Variants in HTR4 observed in about 807,000 individuals in gnomAD.
HTR4 encodes the protein 5-hydroxytryptamine receptor 4, also known as 5-hydroxytryptamine (serotonin) receptor 4, G protein-coupled.
In HTR4, 16 loss-of-function variants were observed where a neutral mutation model predicts 36.8. The ratio of observed to expected loss-of-function variants is 0.43; its 90% CI spans 0.29 to 0.66. HTR4 has a LOEUF of 0.66. Ranked by LOEUF, HTR4 falls within the 30% of genes least tolerant of loss-of-function variation. The pLI, the probability that HTR4 is intolerant of heterozygous loss-of-function variation, is 0.13. For missense variants in HTR4, 438 were observed against 490.9 expected (o/e 0.89, Z 1.02); for synonymous variants, 189 against 185.1 (o/e 1.02, Z -0.17).
intron 2 of HTR4, among the ~76,000 whole-genome samples, chr5:148,555,063 T>C (rs1759878773): frequency 6.6e-6 from 1 of 151,652 alleles, no homozygotes; most frequent in Non-Finnish European, 1.5e-5. Context: ...TTATTATTTA[T>C]ATTTTAGCAT....
downstream of HTR4, among the ~76,000 whole-genome samples, chr5:148,479,790 T>C (rs948806586): frequency 1.3e-5 from 2 of 152,212 alleles, no homozygotes; most frequent in East Asian, 3.9e-4. Context: ...TTCTATGTGG[T>C]GGGCACACAT....
At chr5:148,507,765 A>G (rs1757296371) in intron 6 of HTR4, among the ~76,000 whole-genome samples, 2 of 152,172 alleles carry the variant, frequency 1.3e-5, no homozygotes, top group Non-Finnish European at 2.9e-5. Flanking sequence ...CTATGAAAAA[A>G]ACCATCAACT....
At chr5:148,534,716 G>A (rs1166402098) in intron 4 of HTR4, among the ~76,000 whole-genome samples, 1 of 152,004 alleles carries the variant, frequency 6.6e-6, no homozygotes, top group Non-Finnish European at 1.5e-5. Context: ...GCACCAGACA[G>A]GTAACCCCTA....
chr5:148,478,361 G>A (rs536357630), downstream of HTR4, among the ~76,000 whole-genome samples: 3 of 152,280 alleles, frequency 2.0e-5, no homozygotes, highest in East Asian at 3.9e-4. Flanking sequence ...GATTCTGCAG[G>A]AGGTTCTGGG....
intron 2 of HTR4, among the ~76,000 whole-genome samples, chr5:148,576,187 C>T (rs1331206047): frequency 1.3e-5 from 2 of 149,102 alleles, no homozygotes; most frequent in Non-Finnish European, 3.0e-5. Context: ...ACAGCCACGC[C>T]GAGAGCCAAA....
chr5:148,491,560 G>A (rs145744227), intron 6 of HTR4, among the ~76,000 whole-genome samples: 19 of 152,096 alleles, frequency 1.2e-4, no homozygotes, highest in African/African-American at 4.3e-4. Flanking sequence ...ATGCATTGTC[G>A]GATGATTAGC....
intron 5 of HTR4, among the ~76,000 whole-genome samples, chr5:148,458,192 A>G (rs1363780740): frequency 2.0e-5 from 3 of 148,102 alleles, no homozygotes; most frequent in Non-Finnish European, 4.5e-5. Context: ...TATTTAATAT[A>G]TCATTAAAAT....
At chr5:148,591,068 C>T (rs1048914252) in intron 2 of HTR4, among the ~76,000 whole-genome samples, 2 of 152,128 alleles carry the variant, frequency 1.3e-5, no homozygotes, top group Non-Finnish European at 1.5e-5. Flanking sequence ...TATTCCAGCA[C>T]CATTTGTTGA....
intron 2 of HTR4, chr5:148,630,438 T>C (rs936621495): frequency 6.6e-6 from 1 of 152,136 alleles, no homozygotes; most frequent in African/African-American, 2.4e-5. Flanking sequence ...TGGTGCTAAA[T>C]AGGTATAGAA....
At chr5:148,528,191 G>A (rs1758379525) in intron 4 of HTR4, among the ~76,000 whole-genome samples, 1 of 152,158 alleles carries the variant, frequency 6.6e-6, no homozygotes, top group Non-Finnish European at 1.5e-5. Flanking sequence ...GTTAGTGACA[G>A]GTAAGGATAT....
At chr5:148,475,301 C>A (rs934484468), downstream of HTR4, among the ~76,000 whole-genome samples, 6 of 152,178 alleles carry the variant, frequency 3.9e-5, no homozygotes, top group South Asian at 6.2e-4. Flanking sequence ...AATTGGGAAG[C>A]AGGGATTCAA....
intron 5 of HTR4, among the ~76,000 whole-genome samples, chr5:148,515,227 A>C (rs1387840036): frequency 1.3e-5 from 2 of 152,072 alleles, no homozygotes; most frequent in Non-Finnish European, 2.9e-5. Flanking sequence ...AACTCATTAC[A>C]GTCTTTTTCA....
At chr5:148,610,707 C>T (rs1475052801) in intron 2 of HTR4, among the ~76,000 whole-genome samples, 3 of 150,986 alleles carry the variant, frequency 2.0e-5, no homozygotes, top group South Asian at 2.1e-4. Flanking sequence ...GAGAAGAAGG[C>T]TTTAGACGAT....
chr5:148,452,707 G>A (rs58732488), intron 5 of HTR4, among the ~76,000 whole-genome samples: 9,423 of 152,210 alleles, frequency 0.062, 545 homozygotes, highest in East Asian at 0.24. Context: ...ACCGTCCACC[G>A]CAGCTGTTGT....
intron 6 of HTR4, among the ~76,000 whole-genome samples, chr5:148,493,790 T>C (rs1385024866): frequency 6.6e-6 from 1 of 152,220 alleles, no homozygotes; most frequent in Non-Finnish European, 1.5e-5. Flanking sequence ...TTATGTAGTC[T>C]GCCCTGGTAG....
intron 2 of HTR4, among the ~76,000 whole-genome samples, chr5:148,625,270 G>C (rs1424807450): frequency 6.6e-6 from 1 of 152,074 alleles, no homozygotes. Context: ...GGTAGAGAGA[G>C]GGTGGCAGAG....
At chr5:148,573,713 T>C (rs1760771652) in intron 2 of HTR4, among the ~76,000 whole-genome samples, 1 of 152,020 alleles carries the variant, frequency 6.6e-6, no homozygotes, top group Admixed American at 6.6e-5. Context: ...CAAGGCATTC[T>C]AGCATTTGTC....
chr5:148,527,685 G>T (rs978870273), intron 4 of HTR4, among the ~76,000 whole-genome samples: 1 of 135,152 alleles, frequency 7.4e-6, no homozygotes, highest in Non-Finnish European at 1.7e-5. Flanking sequence ...TGTGATCTTG[G>T]CTCACTGCAA....
At chr5:148,601,619 A>G (rs777612362) in intron 2 of HTR4, among the ~76,000 whole-genome samples, 21 of 152,066 alleles carry the variant, frequency 1.4e-4, no homozygotes, top group Non-Finnish European at 1.9e-4. Context: ...TGGGCAACAC[A>G]GTGAAACCTT....
Sources: allele counts gnomAD v4.1 joint callset (sites outside exome capture counted in the v4.1 genomes callset), GRCh38; gene constraint gnomAD v4.1.1; transcripts MANE v1.5; gene names NCBI Gene and HGNC (gene_info 2026-07-23, HGNC 2026-07-21).